H2BC17: variants seen among roughly 807,000 people sequenced by gnomAD.
H2BC17 encodes histone H2B type 1-O.
H2BC17 carries 11 observed loss-of-function variants against 6.1 expected under a neutral mutation model. That is an observed-to-expected ratio of 1.79 (90% CI 1.13 to 2.97). The LOEUF is 2.97. Ranked by LOEUF, H2BC17 falls within the 30% of genes most tolerant of loss-of-function variation. H2BC17 has a pLI of 0.00. For synonymous variants in H2BC17, 103 were observed against 74.5 expected (o/e 1.38, Z -1.97); for missense variants, 171 against 171.6 (o/e 1.00, Z 0.02).
Position 27,893,615 on chromosome 6 carries a change from C to G in H2BC17, c.153C>G (p.Pro51=), listed in dbSNP as rs758720372. ...ACAAGGTGCTGAAGCAAGTCCACCC[C>G]GACACCGGCATCTCATCGAAGGCCA... The part of the protein sequence containing the change: ...YVYKVLKQVH[P]DTGISSKAMG... Residue 51 remains proline, a synonymous_variant, in exon 1 of 1, where the codon CCC becomes CCG. Coordinates refer to ENST00000616182, the MANE Select transcript of H2BC17 (RefSeq NM_003527.4). 6.2e-7 allele frequency: 1 copy of G among 1,614,254 alleles called. No homozygotes were observed. Among genetic ancestry groups the G allele is most frequent in the Admixed American group, 1.7e-5 (1 of 60,028 alleles).
chr6:27,893,682 A>T lies in H2BC17; in HGVS notation c.220A>T (p.Ile74Phe), dbSNP rs1331936050. 6.2e-7 allele frequency: 1 copy of T among 1,614,144 alleles called. No individual in the cohort carries two copies. The highest frequency in any genetic ancestry group is 8.5e-7 in the Non-Finnish European group (1 of 1,180,060). Reference sequence around the variant, plus strand: ...CTTCGTCAATGACATCTTTGAGCGCATCGCTGGCGAGGCTTCCCGCCTGGC... The same window carrying T: ...CTTCGTCAATGACATCTTTGAGCGCTTCGCTGGCGAGGCTTCCCGCCTGGC... The part of the protein sequence containing the change: ...NSFVNDIFER[I>F]AGEASRLAHY... Residue 74 changes from isoleucine (I) to phenylalanine (F), a missense_variant, in exon 1 of 1, where the codon ATC becomes TTC. Coordinates refer to ENST00000616182, the MANE Select transcript of H2BC17 (RefSeq NM_003527.4).
rs140123204 is a variant in H2BC17, at chr6:27,893,453, C to G, written c.-10C>G. On this transcript the variant is annotated 5_prime_UTR_variant, in exon 1 of 1. Coordinates refer to ENST00000616182, the MANE Select transcript of H2BC17 (RefSeq NM_003527.4). ...CTTGTTATTTGAGTGCTCTTTCACT[C>G]TCCTCCGCCATGCCCGACCCGGCTA... The G allele has an allele frequency of 5.7e-6, 9 of 1,590,140 alleles. No homozygotes were observed. The East Asian group carries it at 1.8e-4, about 32-fold the overall frequency.
rs780505692 is a variant in H2BC17 at position 27,893,768 on chromosome 6, G to A, written c.306G>A (p.Leu102=). The A allele has an allele frequency of 3.1e-6, 5 of 1,614,134 alleles. No homozygotes were observed. In the East Asian group the frequency reaches 1.1e-4, roughly 36 times the overall value. The part of the protein sequence containing the change: ...SREIQTAVRL[L]LPGELAKHAV... The stretch of plus-strand genomic sequence containing the variant: ...AGATCCAGACGGCCGTGCGCCTGCT[G>A]CTGCCCGGGGAGCTGGCCAAGCACG... The change falls in exon 1 of 1, where the codon CTG becomes CTA. Residue 102 remains leucine, a synonymous_variant. Transcript: ENST00000616182.
rs770447881 is a variant in H2BC17, at chr6:27,893,777, G to T, written c.315G>T (p.Gly105=). Residue 105 remains glycine, a synonymous_variant, in exon 1 of 1, where the codon GGG becomes GGT. Coordinates refer to ENST00000616182, the MANE Select transcript of H2BC17 (RefSeq NM_003527.4). ...IQTAVRLLLP[G]ELAKHAVSEG... is the part of the protein sequence containing the mutation. ...CGGCCGTGCGCCTGCTGCTGCCCGG[G>T]GAGCTGGCCAAGCACGCCGTGTCCG... 2.5e-6 allele frequency: 4 copies of T among 1,614,138 alleles called. No individual in the cohort carries two copies. Among genetic ancestry groups the T allele is most frequent in the South Asian group, 1.1e-5 (1 of 91,094 alleles).
chr6:27,893,541 G>A lies in H2BC17; in HGVS notation c.79G>A (p.Gly27Ser), dbSNP rs779330969. The A allele has an allele frequency of 1.4e-5, 23 of 1,614,054 alleles. No homozygotes were observed. In the Middle Eastern group the frequency reaches 4.9e-4, roughly 35 times the overall value. ...KAVTKAQKKDGKKRKRSRKES... is the reference protein window; with the variant it reads ...KAVTKAQKKDSKKRKRSRKES... ...CGTAACCAAGGCCCAGAAAAAGGAC[G>A]GCAAGAAGCGCAAGCGCAGCCGCAA... Residue 27 changes from glycine (G) to serine (S), a missense_variant, in exon 1 of 1, where the codon GGC becomes AGC. Transcript: ENST00000616182.
At position 27,893,656 on chromosome 6, in the gene H2BC17, CCTT is replaced by C. The variant is rs758257922; in HGVS notation, c.196_198del (p.Phe66del). ...TCGAAGGCCATGGGCATCATGAACTCCTTCGTCAATGACATCTTTGAGCGCATC... is the reference window on the plus strand; with the variant it reads ...TCGAAGGCCATGGGCATCATGAACTCCGTCAATGACATCTTTGAGCGCATC... On this transcript the variant is annotated inframe_deletion, in exon 1 of 1. Transcript: ENST00000616182. The C allele has an allele frequency of 2.5e-6, 4 of 1,614,276 alleles. No individual in the cohort carries two copies. Among genetic ancestry groups the C allele is most frequent in the Non-Finnish European group, 3.4e-6 (4 of 1,180,060 alleles).
chr6:27,893,529 C>G lies in H2BC17; in HGVS notation c.67C>G (p.Gln23Glu), dbSNP rs749893639. Residue 23 changes from glutamine to glutamate, a missense_variant, in exon 1 of 1, where the codon CAG becomes GAG. Gln to Glu is a conservative substitution (Grantham distance 29, BLOSUM62 2). Coordinates refer to ENST00000616182, the MANE Select transcript of H2BC17 (RefSeq NM_003527.4). ...CTCCAAGAAAGCCGTAACCAAGGCC[C>G]AGAAAAAGGACGGCAAGAAGCGCAA... ...KGSKKAVTKA[Q>E]KKDGKKRKRS... The G allele has an allele frequency of 1.2e-6, 2 of 1,614,022 alleles. No individual in the cohort carries two copies. The highest frequency in any genetic ancestry group is 2.7e-5 in the African/African-American group (2 of 74,922).
Position 27,893,640 on chromosome 6 carries a change from A to G in H2BC17, c.178A>G (p.Met60Val). Residue 60 changes from methionine to valine, a missense_variant, in exon 1 of 1, where the codon ATG becomes GTG. Met to Val is a conservative substitution (Grantham distance 21). Transcript: ENST00000616182. ...CGACACCGGCATCTCATCGAAGGCC[A>G]TGGGCATCATGAACTCCTTCGTCAA... ...HPDTGISSKAMGIMNSFVNDI... is the reference protein window; with the variant it reads ...HPDTGISSKAVGIMNSFVNDI... 1 of 1,614,262 alleles carries G rather than the reference A, an allele frequency of 6.2e-7. No homozygotes were observed. The highest frequency in any genetic ancestry group is 1.1e-5 in the South Asian group (1 of 91,090).
At position 27,893,777 on chromosome 6, in the gene H2BC17, G is replaced by C; in HGVS notation, c.315G>C (p.Gly105=). The C allele has an allele frequency of 6.2e-7, 1 of 1,614,256 alleles. No homozygotes were observed. Among genetic ancestry groups the C allele is most frequent in the Non-Finnish European group, 8.5e-7 (1 of 1,180,046 alleles). The change falls in exon 1 of 1, where the codon GGG becomes GGC. Residue 105 remains glycine, a synonymous_variant. Transcript: ENST00000616182. ...CGGCCGTGCGCCTGCTGCTGCCCGG[G>C]GAGCTGGCCAAGCACGCCGTGTCCG... ...IQTAVRLLLP[G]ELAKHAVSEG...
In H2BC17 at chr6:27,893,560, G is replaced by A; in HGVS notation, c.98G>A (p.Ser33Asn). 2 of 1,614,246 alleles carry A rather than the reference G, an allele frequency of 1.2e-6. No individual in the cohort carries two copies. Among genetic ancestry groups the A allele is most frequent in the Admixed American group, 1.7e-5 (1 of 60,026 alleles). Reference protein sequence around the residue: ...QKKDGKKRKRSRKESYSIYVY... With the variant: ...QKKDGKKRKRNRKESYSIYVY... ...AAGGACGGCAAGAAGCGCAAGCGCA[G>A]CCGCAAAGAGAGTTACTCTATCTAC... is the stretch of plus-strand genomic sequence containing the variant. Residue 33 changes from serine (S) to asparagine (N), a missense_variant, in exon 1 of 1, where the codon AGC (serine) becomes AAC (asparagine). Ser to Asn is a conservative substitution (Grantham distance 46, BLOSUM62 1). Transcript: ENST00000616182.
At position 27,893,623 on chromosome 6, in the gene H2BC17, G is replaced by C; in HGVS notation, c.161G>C (p.Gly54Ala). 6.2e-7 allele frequency: 1 copy of C among 1,614,230 alleles called. No homozygotes were observed. The highest frequency in any genetic ancestry group is 8.5e-7 in the Non-Finnish European group (1 of 1,180,042). The part of the protein sequence containing the change: ...KVLKQVHPDT[G>A]ISSKAMGIMN... Reference sequence around the variant, plus strand: ...CTGAAGCAAGTCCACCCCGACACCGGCATCTCATCGAAGGCCATGGGCATC... The same window carrying C: ...CTGAAGCAAGTCCACCCCGACACCGCCATCTCATCGAAGGCCATGGGCATC... Residue 54 changes from glycine to alanine, a missense_variant, in exon 1 of 1, where the codon GGC becomes GCC. Physicochemically the swap from Gly to Ala is moderately conservative, Grantham distance 60. Transcript: ENST00000616182.
chr6:27,893,649 A>G lies in H2BC17; in HGVS notation c.187A>G (p.Met63Val). The G allele has an allele frequency of 6.2e-7, 1 of 1,614,252 alleles. No homozygotes were observed. Among genetic ancestry groups the G allele is most frequent in the Non-Finnish European group, 8.5e-7 (1 of 1,180,048 alleles). Residue 63 changes from methionine (M) to valine (V), a missense_variant, in exon 1 of 1, where the codon ATG (methionine) becomes GTG (valine). By Grantham distance (21) the Met-to-Val change is conservative (BLOSUM62 1). Transcript: ENST00000616182. ...CATCTCATCGAAGGCCATGGGCATCATGAACTCCTTCGTCAATGACATCTT... is the reference window on the plus strand; with the variant it reads ...CATCTCATCGAAGGCCATGGGCATCGTGAACTCCTTCGTCAATGACATCTT... ...TGISSKAMGI[M>V]NSFVNDIFER...
chr6:27,893,778 G>T lies in H2BC17; in HGVS notation c.316G>T (p.Glu106Ter). Residue 106 changes from glutamate (E) to a stop codon, truncating the protein, a stop_gained, in exon 1 of 1, where the codon GAG (glutamate) becomes TAG (stop). Transcript: ENST00000616182. LOFTEE classifies it high-confidence loss of function. ...QTAVRLLLPG[E>*]LAKHAVSEGT... Reference sequence around the variant, plus strand: ...GGCCGTGCGCCTGCTGCTGCCCGGGGAGCTGGCCAAGCACGCCGTGTCCGA... The same window carrying T: ...GGCCGTGCGCCTGCTGCTGCCCGGGTAGCTGGCCAAGCACGCCGTGTCCGA... 3.1e-6 allele frequency: 5 copies of T among 1,614,236 alleles called. No homozygotes were observed. Among genetic ancestry groups the T allele is most frequent in the Non-Finnish European group, 4.2e-6 (5 of 1,180,044 alleles).
chr6:27,893,438 G>T lies in H2BC17; in HGVS notation c.-25G>T. On this transcript the variant is annotated 5_prime_UTR_variant, in exon 1 of 1. Transcript: ENST00000616182. ...CAGCTTGTCCTCATTCTTGTTATTT[G>T]AGTGCTCTTTCACTCTCCTCCGCCA... The T allele has an allele frequency of 6.4e-7, 1 of 1,566,672 alleles. No individual in the cohort carries two copies. The highest frequency in any genetic ancestry group is 1.2e-5 in the South Asian group (1 of 83,014).
chr6:27,893,440 G>A lies in H2BC17; in HGVS notation c.-23G>A, dbSNP rs1041982947. On this transcript the variant is annotated 5_prime_UTR_variant, in exon 1 of 1. The change creates a new upstream start codon in the 5' untranslated region. Transcript: ENST00000616182. ...GCTTGTCCTCATTCTTGTTATTTGA[G>A]TGCTCTTTCACTCTCCTCCGCCATG... The A allele has an allele frequency of 1.9e-6, 3 of 1,568,468 alleles. No individual in the cohort carries two copies. Among genetic ancestry groups the A allele is most frequent in the Admixed American group, 1.9e-5 (1 of 51,750 alleles).
At position 27,893,840 on chromosome 6, in the gene H2BC17, G is replaced by A. The variant is rs754351627; in HGVS notation, c.378G>A (p.Lys126=). 1.2e-6 allele frequency: 2 copies of A among 1,614,240 alleles called. No homozygotes were observed. Among genetic ancestry groups the A allele is most frequent in the Non-Finnish European group, 1.7e-6 (2 of 1,180,044 alleles). ...CCGTCACCAAGTACACCAGCTCCAA[G>A]TGAGCTCTCGCAGCTGCCAGCAATC... is the stretch of plus-strand genomic sequence containing the variant. ...TKAVTKYTSS[K] The change falls in exon 1 of 1, where the codon AAG becomes AAA. Residue 126 remains lysine, a synonymous_variant. Coordinates refer to ENST00000616182, the MANE Select transcript of H2BC17 (RefSeq NM_003527.4).
At position 27,893,672 on chromosome 6, in the gene H2BC17, CTT is replaced by C. The variant is rs1761943843; in HGVS notation, c.212_213del (p.Phe71Ter). The C allele has an allele frequency of 6.2e-7, 1 of 1,614,156 alleles. No individual in the cohort carries two copies. The highest frequency in any genetic ancestry group is 1.7e-5 in the Admixed American group (1 of 60,018). ...GIMNSFVNDI[F>X]ERIAGEASRL... ...TCATGAACTCCTTCGTCAATGACAT[CTT>C]TGAGCGCATCGCTGGCGAGGCTTCC... On this transcript the variant is annotated frameshift_variant, in exon 1 of 1. Coordinates refer to ENST00000616182, the MANE Select transcript of H2BC17 (RefSeq NM_003527.4). LOFTEE classifies it high-confidence loss of function.
At position 27,893,886 on chromosome 6, in the gene H2BC17, A is replaced by G; in HGVS notation, c.*43A>G. The G allele has an allele frequency of 6.2e-7, 1 of 1,611,264 alleles. No individual in the cohort carries two copies. ...CAATCCAAAGGCTCTTTTCAGAGCC[A>G]CTCACGCTTCCAGAGAAAGAGCCTG... On this transcript the variant is annotated 3_prime_UTR_variant, in exon 1 of 1. Coordinates refer to ENST00000616182, the MANE Select transcript of H2BC17 (RefSeq NM_003527.4).
rs753796966 is a variant in H2BC17, at chr6:27,893,603, G to A, written c.141G>A (p.Lys47=). Residue 47 remains lysine (K), a synonymous_variant, in exon 1 of 1, where the codon AAG becomes AAA. Transcript: ENST00000616182. ...CTATCTACGTGTACAAGGTGCTGAA[G>A]CAAGTCCACCCCGACACCGGCATCT... ...SYSIYVYKVL[K]QVHPDTGISS... 2.2e-5 allele frequency: 36 copies of A among 1,614,114 alleles called. No homozygotes were observed. The South Asian group carries it at 2.7e-4, about 12-fold the overall frequency.
Sources: allele counts gnomAD v4.1 joint callset, GRCh38; gene constraint gnomAD v4.1.1; transcripts MANE v1.5; gene names NCBI Gene and HGNC (gene_info 2026-07-23, HGNC 2026-07-21).